Variants in SEMA6A observed in about 807,000 individuals in gnomAD.
SEMA6A encodes the protein semaphorin-6A.
A neutral mutation model predicts 96.8 loss-of-function variants in SEMA6A; 25 were observed. That is an observed-to-expected ratio of 0.26 (90% CI 0.19 to 0.36). The LOEUF (loss-of-function observed/expected upper bound fraction) is 0.36, where lower values mean the gene tolerates loss of function less well. Ranked by LOEUF, SEMA6A falls within the 10% of genes least tolerant of loss-of-function variation. The pLI, the probability that SEMA6A is intolerant of heterozygous loss-of-function variation, is 1.00. For missense variants in SEMA6A, 1,363 were observed against 1,323.1 expected, an observed-to-expected ratio of 1.03 and a Z score of -0.47; for synonymous variants, 612 against 518.0, an observed-to-expected ratio of 1.18 and a Z score of -2.46.
intron 5 of SEMA6A, chr5:116,495,819 G>C (rs1757570674): frequency 2.7e-6 from 1 of 370,988 alleles, no homozygotes; most frequent in Non-Finnish European, 5.0e-6. Flanking sequence ...AGATGCTCCA[G>C]CGTTCCCTGA....
intron 10 of SEMA6A, among the ~76,000 whole-genome samples, chr5:116,485,297 CA>C (rs1251795453): frequency 1.3e-5 from 2 of 152,114 alleles, no homozygotes; most frequent in African/African-American, 4.8e-5. Flanking sequence ...ACAAACAAAA[CA>C]AAACAGAAAC....
chr5:116,522,489 C>T (rs1161138037), intron 1 of SEMA6A, among the ~76,000 whole-genome samples: 1 of 152,104 alleles, frequency 6.6e-6, no homozygotes, highest in Non-Finnish European at 1.5e-5. Context: ...TAATTCTAGT[C>T]GATCTGTGAT....
intron 11 of SEMA6A, among the ~76,000 whole-genome samples, chr5:116,480,919 C>T (rs943612145): frequency 5.3e-5 from 8 of 152,118 alleles, no homozygotes; most frequent in Non-Finnish European, 7.4e-5. Context: ...TTTGCTTCTA[C>T]AAGAAATTCT....
intron 11 of SEMA6A, among the ~76,000 whole-genome samples, chr5:116,481,641 A>C (rs1362607220): frequency 6.6e-6 from 1 of 152,188 alleles, no homozygotes; most frequent in Non-Finnish European, 1.5e-5. Flanking sequence ...CCTGGGGAAG[A>C]CAGACACCAT....
chr5:116,466,059 TAAA>T (rs35801222), intron 18 of SEMA6A, among the ~76,000 whole-genome samples: 184 of 93,626 alleles, frequency 2.0e-3, no homozygotes, highest in Middle Eastern at 5.8e-3. Context: ...AAAACCAGCT[TAAA>T]AAAAAAAAAA....
intron 1 of SEMA6A, among the ~76,000 whole-genome samples, chr5:116,527,253 TAAAA>T (rs951904784): frequency 2.7e-5 from 4 of 150,390 alleles, no homozygotes; most frequent in Non-Finnish European, 4.4e-5. Context: ...TTTTCTGAAC[TAAAA>T]AAAAAGAAGC....
At chr5:116,490,607 T>G (rs1219111400) in intron 7 of SEMA6A, among the ~76,000 whole-genome samples, 3 of 152,194 alleles carry the variant, frequency 2.0e-5, no homozygotes, top group African/African-American at 7.2e-5. Context: ...AGTAATCCTG[T>G]GCTCTCATTT....
At chr5:116,472,632 C>T (rs965748547) in intron 17 of SEMA6A, 8 of 427,290 alleles carry the variant, frequency 1.9e-5, no homozygotes, top group African/African-American at 8.3e-5. Flanking sequence ...TAAATGTATT[C>T]ACCAAATTCC....
intron 8 of SEMA6A, 77 bp from the exon 9 acceptor site, chr5:116,488,273 C>CA: frequency 1.1e-6 from 1 of 950,134 alleles, no homozygotes; most frequent in Non-Finnish European, 1.6e-6. Context: ...TAGCCAAAGA[C>CA]ATGTTATTAA....
chr5:116,497,707 A>G (rs1242189441), intron 3 of SEMA6A, among the ~76,000 whole-genome samples: 1 of 152,252 alleles, frequency 6.6e-6, no homozygotes, highest in Non-Finnish European at 1.5e-5. Context: ...ATTGGCCCAA[A>G]GACTAGAACA....
chr5:116,474,507 A>G (rs562434367), intron 16 of SEMA6A, among the ~76,000 whole-genome samples: 1 of 152,200 alleles, frequency 6.6e-6, no homozygotes, highest in African/African-American at 2.4e-5. Context: ...ATTTTTGCCA[A>G]TATATAATAT....
intron 1 of SEMA6A, chr5:116,536,262 T>C (rs1264239990): frequency 6.6e-6 from 1 of 152,116 alleles, no homozygotes; most frequent in Non-Finnish European, 1.5e-5. Context: ...GGAATTTAAT[T>C]TTAGTTAGGA....
At chr5:116,470,742 T>G (rs1371827406) in intron 17 of SEMA6A, among the ~76,000 whole-genome samples, 4 of 152,188 alleles carry the variant, frequency 2.6e-5, no homozygotes, top group Admixed American at 2.0e-4. Flanking sequence ...TTTTCCTGGG[T>G]TGGGCAGTTC....
In SEMA6A at chr5:116,486,874, C is replaced by T. The variant is rs779713834; in HGVS notation, c.837G>A (p.Ala279=). The T allele has an allele frequency of 1.5e-5, 25 of 1,613,668 alleles. No homozygotes were observed. The highest frequency in any genetic ancestry group is 1.0e-4 in the Admixed American group (6 of 59,974). The change falls in exon 10 of 19, where the codon GCG becomes GCA. Residue 279 remains alanine (A), a synonymous_variant. Coordinates refer to ENST00000343348, the MANE Select transcript of SEMA6A (RefSeq NM_020796.5). ...CTCCAGGAACTGAGCAGTTCAAGCGCGCCTTCAGGAACGACGTCCACTGTT... is the reference window on the plus strand; with the variant it reads ...CTCCAGGAACTGAGCAGTTCAAGCGTGCCTTCAGGAACGACGTCCACTGTT... ...LEKQWTSFLK[A]RLNCSVPGDS...
intron 7 of SEMA6A, among the ~76,000 whole-genome samples, chr5:116,490,908 T>G (rs1029919545): frequency 4.2e-4 from 64 of 152,146 alleles, no homozygotes; most frequent in African/African-American, 1.5e-3. Context: ...CTAAATAAAT[T>G]TCTAATTAAA....
chr5:116,528,485 C>G (rs938284798), intron 1 of SEMA6A, among the ~76,000 whole-genome samples: 7 of 152,138 alleles, frequency 4.6e-5, no homozygotes, highest in African/African-American at 1.7e-4. Context: ...AAACAGATGA[C>G]TTTGTATGTA....
At chr5:116,538,132 G>A (rs1418414701) in intron 1 of SEMA6A, among the ~76,000 whole-genome samples, 4 of 152,150 alleles carry the variant, frequency 2.6e-5, no homozygotes, top group Non-Finnish European at 5.9e-5. Context: ...CTGAGATCAC[G>A]CCACTGCACT....
rs144390630 is a variant in SEMA6A at position 116,451,043 on chromosome 5, G to T, written c.1895-3232C>A. Among the ~76,000 whole-genome samples the T allele has an allele frequency of 3.3e-3, 501 of 152,296 alleles. 1 individual carries two copies. Among genetic ancestry groups the T allele is most frequent in the African/African-American group, 0.012 (479 of 41,562 alleles). On this transcript the variant is annotated intron_variant, in intron 18 of 18. Transcript: ENST00000343348. ...AGTGGTGATAAAAGCAGCTAGAGAAGATCTCAGTGGGCTTGGAATTGCAGG... is the reference window on the plus strand; with the variant it reads ...AGTGGTGATAAAAGCAGCTAGAGAATATCTCAGTGGGCTTGGAATTGCAGG...
intron 1 of SEMA6A, among the ~76,000 whole-genome samples, chr5:116,569,249 C>T (rs1207707443): frequency 1.3e-5 from 2 of 152,100 alleles, no homozygotes; most frequent in Non-Finnish European, 2.9e-5. Context: ...GACATTTGAA[C>T]AGAGACCTGA....
Sources: allele counts gnomAD v4.1 joint callset (sites outside exome capture counted in the v4.1 genomes callset), GRCh38; gene constraint gnomAD v4.1.1; transcripts MANE v1.5; gene names NCBI Gene and HGNC (gene_info 2026-07-23, HGNC 2026-07-21).